Variants in TSHZ1 observed in about 807,000 individuals in gnomAD.
TSHZ1 encodes teashirt zinc finger homeobox 1, also known as teashirt homolog 1.
TSHZ1 carries 12 observed loss-of-function variants against 67.1 expected under a neutral mutation model. The observed-to-expected ratio is 0.18, with a 90% CI of 0.11 to 0.29. TSHZ1 has a LOEUF of 0.29. Among genes scored for constraint, TSHZ1 ranks in the 10% least tolerant of loss-of-function variants. The probability of loss-of-function intolerance (pLI) is 1.00; values close to 1 mark genes in which losing one functional copy is unlikely to be tolerated. For missense variants in TSHZ1, 1,305 were observed against 1,413.9 expected (o/e 0.92, Z 1.23); for synonymous variants, 632 against 622.4 (o/e 1.02, Z -0.23).
intron 1 of TSHZ1, among the ~76,000 whole-genome samples, chr18:75,249,895 A>T (rs572892779): frequency 7.8e-6 from 1 of 128,954 alleles, no homozygotes; most frequent in African/African-American, 3.0e-5. Flanking sequence ...AGTTGGTGGG[A>T]GGTGCATGAC....
chr18:75,285,963 A>G lies in TSHZ1; in HGVS notation c.556A>G (p.Ser186Gly). 1 of 1,572,342 alleles carries G rather than the reference A, an allele frequency of 6.4e-7. No homozygotes were observed. Among genetic ancestry groups the G allele is most frequent in the Non-Finnish European group, 8.6e-7 (1 of 1,160,438 alleles). ...STSCSSSTSH[S>G]STTSTSSSSG... ...CAGCTGCAGCTCCAGCACCAGCCAC[A>G]GCAGTACCACCAGTACCAGCAGCAG... The change falls in exon 2 of 2, where the codon AGC (serine) becomes GGC (glycine). Residue 186 changes from serine (S) to glycine (G), a missense_variant. Around this residue, in one of 3 missense-constraint regions of TSHZ1, gnomAD observed 358 missense variants for 375.6 expected, o/e 0.95. Transcript: ENST00000580243.
At chr18:75,231,768 G>C (rs4363933) in intron 1 of TSHZ1, among the ~76,000 whole-genome samples, 33,169 of 151,794 alleles carry the variant, frequency 0.22, 3,684 homozygotes, top group East Asian at 0.33. Flanking sequence ...CTCCTGACTT[G>C]GGTGATCCTC....
rs377313029 is a variant in TSHZ1, at chr18:75,280,212, T to C, written c.41-5236T>C. ...TCCTTATTGTTGAAGATTTAGACCG[T>C]GGCAAGTTTTATGTGTGTAAAAGGA... On this transcript the variant is annotated intron_variant, in intron 1 of 1. Transcript: ENST00000580243. Among the ~76,000 whole-genome samples the C allele has an allele frequency of 2.1e-3, 319 of 152,384 alleles. 1 individual carries two copies. Among genetic ancestry groups the C allele is most frequent in the African/African-American group, 7.2e-3 (298 of 41,592 alleles).
At chr18:75,270,438 T>C (rs1333119744) in intron 1 of TSHZ1, among the ~76,000 whole-genome samples, 1 of 152,246 alleles carries the variant, frequency 6.6e-6, no homozygotes, top group African/African-American at 2.4e-5. Context: ...GAGCAGATAT[T>C]CTGTGGGTAT....
chr18:75,275,991 G>A (rs965308951), intron 1 of TSHZ1, among the ~76,000 whole-genome samples: 3 of 152,144 alleles, frequency 2.0e-5, no homozygotes, highest in African/African-American at 7.2e-5. Flanking sequence ...GAAAATCAAA[G>A]TTTTTCATCT....
In TSHZ1 at chr18:75,286,675, G is replaced by A; in HGVS notation, c.1268G>A (p.Ser423Asn). 6.2e-7 allele frequency: 1 copy of A among 1,614,166 alleles called. No homozygotes were observed. Among genetic ancestry groups the A allele is most frequent in the Non-Finnish European group, 8.5e-7 (1 of 1,180,034 alleles). The change falls in exon 2 of 2, where the codon AGC becomes AAC. Residue 423 changes from serine (S) to asparagine (N), a missense_variant. Transcript: ENST00000580243. This position sits in a 1 kb window ranked among gnomAD's most constrained non-coding sequence, Gnocchi z 5.1. ...ATCCTCAAGTGCATGGAGTGTGGCA[G>A]CTCCCACGACACGCTGCAGCAGCTC... is the stretch of plus-strand genomic sequence containing the variant. The part of the protein sequence containing the change: ...AQILKCMECG[S>N]SHDTLQQLTA...
chr18:75,229,845 G>C (rs2022974797), intron 1 of TSHZ1, among the ~76,000 whole-genome samples: 1 of 152,156 alleles, frequency 6.6e-6, no homozygotes, highest in African/African-American at 2.4e-5. Flanking sequence ...CAAGAAAAGG[G>C]GGCAAAGAAA....
intron 1 of TSHZ1, among the ~76,000 whole-genome samples, chr18:75,225,288 T>G (rs1336438832): frequency 3.9e-5 from 6 of 152,194 alleles, no homozygotes; most frequent in Non-Finnish European, 7.3e-5. Context: ...CTATAGCTTT[T>G]TAAAGAAAAA....
At chr18:75,283,861 G>C (rs112033790) in intron 1 of TSHZ1, 10 of 152,254 alleles carry the variant, frequency 6.6e-5, no homozygotes, top group African/African-American at 2.4e-4. Context: ...CCCTTTGGGC[G>C]GCCAAGATGT....
chr18:75,288,281 A>G lies in TSHZ1; in HGVS notation c.2874A>G (p.Lys958=), dbSNP rs757913311. 23 of 1,614,086 alleles carry G rather than the reference A, an allele frequency of 1.4e-5. No individual in the cohort carries two copies. Among genetic ancestry groups the G allele is most frequent in the Non-Finnish European group, 1.9e-5 (22 of 1,180,042 alleles). ...AGTTGAGGAGGACAGGGGGAACGAA[A>G]TTCCTAAAGAACCTGGACACAGGGC... The part of the protein sequence containing the change: ...KYQLRRTGGT[K]FLKNLDTGHP... Residue 958 remains lysine (K), a synonymous_variant, in exon 2 of 2, where the codon AAA becomes AAG. Coordinates refer to ENST00000580243, the MANE Select transcript of TSHZ1 (RefSeq NM_001308210.2). This position sits in a 1 kb window ranked among gnomAD's most constrained non-coding sequence, Gnocchi z 4.9.
intron 1 of TSHZ1, among the ~76,000 whole-genome samples, chr18:75,241,206 C>T (rs1472305234): frequency 1.3e-5 from 2 of 152,150 alleles, no homozygotes; most frequent in African/African-American, 4.8e-5. Context: ...CTAGTATGCA[C>T]CCAAGGGCTC....
Position 75,288,196 on chromosome 18 carries a change from C to T in TSHZ1, c.2789C>T (p.Ser930Leu). The T allele has an allele frequency of 6.2e-7, 1 of 1,614,188 alleles. No homozygotes were observed. Among genetic ancestry groups the T allele is most frequent in the Non-Finnish European group, 8.5e-7 (1 of 1,180,042 alleles). The stretch of plus-strand genomic sequence containing the variant: ...GGCCCGCAGGAGAGGGTGCACATCT[C>T]GAAGTTTACTGGGCTCTCCATGACC... ...DLGPQERVHI[S>L]KFTGLSMTTI... The change falls in exon 2 of 2, where the codon TCG (serine) becomes TTG (leucine). Residue 930 changes from serine (S) to leucine (L), a missense_variant. Physicochemically the swap from Ser to Leu is moderately radical, Grantham distance 145 (BLOSUM62 -2). Around this residue, in one of 3 missense-constraint regions of TSHZ1, gnomAD observed 909 missense variants for 961.8 expected, o/e 0.95. Transcript: ENST00000580243. The surrounding 1 kb of genome is among the most constrained non-coding windows in gnomAD (Gnocchi z 4.9).
At position 75,274,362 on chromosome 18, in the gene TSHZ1, G is replaced by C. The variant is rs528577232; in HGVS notation, c.41-11086G>C. 1.1e-4 allele frequency among the ~76,000 whole-genome samples: 17 copies of C among 152,224 alleles called. No homozygotes were observed. In the East Asian group the frequency reaches 3.1e-3, roughly 28 times the overall value. ...GGTGGAGGTGGGGTGATGGTGGGGG[G>C]CTGGTGACGCCAACGGTGAGGGTGT... On this transcript the variant is annotated intron_variant, in intron 1 of 1. Transcript: ENST00000580243.
intron 1 of TSHZ1, among the ~76,000 whole-genome samples, chr18:75,278,326 A>T (rs2023640434): frequency 6.6e-6 from 1 of 152,110 alleles, no homozygotes; most frequent in South Asian, 2.1e-4. Flanking sequence ...ACGTAGCAAA[A>T]TCCAAGCACT....
Position 75,286,661 on chromosome 18 carries a change from C to T in TSHZ1, c.1254C>T (p.Cys418=). 3 of 1,614,224 alleles carry T rather than the reference C, an allele frequency of 1.9e-6. No individual in the cohort carries two copies. The highest frequency in any genetic ancestry group is 1.6e-4 in the Middle Eastern group (1 of 6,062). ...FEARKAQILK[C]MECGSSHDTL... ...CCCGCAAGGCGCAGATCCTCAAGTG[C>T]ATGGAGTGTGGCAGCTCCCACGACA... Residue 418 remains cysteine (C), a synonymous_variant, in exon 2 of 2, where the codon TGC becomes TGT. Coordinates refer to ENST00000580243, the MANE Select transcript of TSHZ1 (RefSeq NM_001308210.2). The surrounding 1 kb of genome is among the most constrained non-coding windows in gnomAD (Gnocchi z 5.1).
At chr18:75,222,724 C>T (rs1378784926) in intron 1 of TSHZ1, among the ~76,000 whole-genome samples, 1 of 152,210 alleles carries the variant, frequency 6.6e-6, no homozygotes, top group Non-Finnish European at 1.5e-5. Flanking sequence ...AGACTGCCCC[C>T]TCCACCCCCC....
At chr18:75,231,288 G>A (rs1443863819) in intron 1 of TSHZ1, among the ~76,000 whole-genome samples, 3 of 152,248 alleles carry the variant, frequency 2.0e-5, no homozygotes, top group African/African-American at 7.2e-5. Context: ...CTGGAGCCAG[G>A]CTGCCTTTGC....
chr18:75,221,273 G>A (rs570775891), intron 1 of TSHZ1: 1 of 152,232 alleles, frequency 6.6e-6, no homozygotes, highest in Non-Finnish European at 1.5e-5. Flanking sequence ...GCTGACTCGA[G>A]TTTTAGAAAA....
intron 1 of TSHZ1, among the ~76,000 whole-genome samples, chr18:75,219,658 G>A (rs537178165): frequency 2.6e-5 from 4 of 152,194 alleles, no homozygotes; most frequent in East Asian, 1.9e-4. Flanking sequence ...AGACTTTTTG[G>A]GGGAAAAACC....
Sources: gnomAD v4.1 joint callset for allele counts (sites outside exome capture counted in the v4.1 genomes callset) on GRCh38, gnomAD v4.1.1 for gene constraint, gnomAD v4.1.1 regional missense constraint, Gnocchi (gnomAD v3.1) non-coding constraint, MANE v1.5 for transcripts, NCBI Gene and HGNC (gene_info 2026-07-23, HGNC 2026-07-21) for gene names.